Variants in CYB5R4 observed in about 807,000 individuals in gnomAD.
The protein encoded by CYB5R4 is cytochrome b5 reductase 4.
A neutral mutation model predicts 70.2 loss-of-function variants in CYB5R4; 55 were observed. The ratio of observed to expected loss-of-function variants is 0.78; its 90% confidence interval spans 0.63 to 0.98. CYB5R4 has a LOEUF of 0.98. Ranked by LOEUF, CYB5R4 falls within the 50% of genes least tolerant of loss-of-function variation. The pLI is 0.00. For missense variants in CYB5R4, 562 were observed against 612.6 expected (o/e 0.92, Z 0.87); for synonymous variants, 197 against 199.5 (o/e 0.99, Z 0.11).
chr6:83,946,132 T>G (rs577487076), intron 14 of CYB5R4, among the ~76,000 whole-genome samples: 5 of 152,302 alleles, frequency 3.3e-5, no homozygotes, highest in African/African-American at 9.6e-5. Context: ...AAAGAAAATT[T>G]CAGGCCAATA....
At chr6:83,958,989 A>C (rs1407249726) in intron 15 of CYB5R4, among the ~76,000 whole-genome samples, 2 of 152,212 alleles carry the variant, frequency 1.3e-5, no homozygotes, top group East Asian at 3.8e-4. Context: ...GAATGAAGAT[A>C]GAATCGTAGG....
At position 83,940,186 on chromosome 6, in the gene CYB5R4, G is replaced by C. The variant is rs770132881; in HGVS notation, c.1239G>C (p.Leu413Phe). Residue 413 changes from leucine (L) to phenylalanine (F), a missense_variant, in exon 13 of 16, where the codon TTG (leucine) becomes TTC (phenylalanine). By Grantham distance (22) the Leu-to-Phe change is conservative (BLOSUM62 0). Transcript: ENST00000369681. ...TPMVKILNYALTDIPSLRKVK... is the reference protein window; with the variant it reads ...TPMVKILNYAFTDIPSLRKVK... ...TGGTTAAAATACTGAATTATGCTTT[G>C]ACTGATATACCCAGTCTCAGGTATG... The C allele has an allele frequency of 3.1e-6, 5 of 1,608,544 alleles. No individual in the cohort carries two copies. The highest frequency in any genetic ancestry group is 3.4e-6 in the Non-Finnish European group (4 of 1,177,462).
At chr6:83,938,182 T>G (rs560901430) in intron 12 of CYB5R4, among the ~76,000 whole-genome samples, 2 of 152,300 alleles carry the variant, frequency 1.3e-5, no homozygotes, top group South Asian at 4.1e-4. Flanking sequence ...TACCTACAAA[T>G]CTAATGAAGG....
At chr6:83,943,677 T>C (rs2099470114) in intron 14 of CYB5R4, among the ~76,000 whole-genome samples, 1 of 151,974 alleles carries the variant, frequency 6.6e-6, no homozygotes, top group East Asian at 1.9e-4. Context: ...TGAAGGAGCA[T>C]GTTCTAACCC....
intron 3 of CYB5R4, among the ~76,000 whole-genome samples, chr6:83,895,646 G>A (rs1200216091): frequency 6.6e-6 from 1 of 152,102 alleles, no homozygotes; most frequent in Admixed American, 6.5e-5. Flanking sequence ...GTGTTATGAG[G>A]TCATATAGAC....
chr6:83,891,200 G>C (rs1432226809), intron 2 of CYB5R4, among the ~76,000 whole-genome samples: 1 of 152,008 alleles, frequency 6.6e-6, no homozygotes, highest in African/African-American at 2.4e-5. Flanking sequence ...TCCTGCCTCG[G>C]CCTCCCAAGC....
chr6:83,947,837 A>C (rs548545980), intron 14 of CYB5R4, among the ~76,000 whole-genome samples: 1 of 152,158 alleles, frequency 6.6e-6, no homozygotes, highest in Admixed American at 6.5e-5. Flanking sequence ...ATCTCACATC[A>C]TTAGGATGGC....
intron 3 of CYB5R4, among the ~76,000 whole-genome samples, chr6:83,896,085 T>A (rs2099461851): frequency 6.6e-6 from 1 of 152,170 alleles, no homozygotes; most frequent in Non-Finnish European, 1.5e-5. Context: ...TTTCTTGTAA[T>A]AGGGGCTTGA....
Position 83,966,683 on chromosome 6 carries a change from C to T in CYB5R4, c.*6805C>T, listed in dbSNP as rs566290972. The T allele has an allele frequency of 4.6e-5, 7 of 152,254 alleles. No homozygotes were observed. In the East Asian group the frequency reaches 1.2e-3, roughly 25 times the overall value. The allele number at this position is 152,254 out of a possible 1,614,324, so 9.4% of individuals were successfully genotyped here. On this transcript the variant is annotated 3_prime_UTR_variant, in exon 16 of 16. Transcript: ENST00000369681. ...TCCAGCCTGGGCAACAAGAGTGAAA[C>T]TCCATCTCAAAAAATAAAACAAATA... is the stretch of plus-strand genomic sequence containing the variant.
At chr6:83,884,635 C>T (rs937378532) in intron 2 of CYB5R4, among the ~76,000 whole-genome samples, 8 of 152,084 alleles carry the variant, frequency 5.3e-5, no homozygotes, top group African/African-American at 1.9e-4. Flanking sequence ...AATTTCATTA[C>T]TGAACACAAG....
intron 10 of CYB5R4, among the ~76,000 whole-genome samples, chr6:83,930,638 A>G (rs189252957): frequency 1.1e-4 from 16 of 152,282 alleles, no homozygotes; most frequent in African/African-American, 3.8e-4. Flanking sequence ...AACCCTTCAA[A>G]GCCATCTGTG....
At chr6:83,925,917 C>T (rs1314591237) in intron 10 of CYB5R4, among the ~76,000 whole-genome samples, 2 of 152,170 alleles carry the variant, frequency 1.3e-5, no homozygotes, top group South Asian at 2.1e-4. Flanking sequence ...CATTTCTACT[C>T]ATATTTTTAA....
At chr6:83,927,805 A>AGCCT (rs1387328831) in intron 10 of CYB5R4, among the ~76,000 whole-genome samples, 1 of 152,090 alleles carries the variant, frequency 6.6e-6, no homozygotes, top group Non-Finnish European at 1.5e-5. Flanking sequence ...CTCAACTTTC[A>AGCCT]GCCTGTCCTG....
intron 10 of CYB5R4, among the ~76,000 whole-genome samples, chr6:83,932,166 T>C (rs927851958): frequency 1.3e-5 from 2 of 152,188 alleles, no homozygotes; most frequent in African/African-American, 4.8e-5. Context: ...AATTGAAAGA[T>C]GAAAACTTTC....
intron 5 of CYB5R4, 116 bp from the exon 6 acceptor site, chr6:83,917,889 A>G (rs150785197): frequency 3.3e-5 from 26 of 791,054 alleles, no homozygotes; most frequent in Non-Finnish European, 5.2e-5. Context: ...TGAGTAGTAC[A>G]TTTGTGATTT....
intron 3 of CYB5R4, among the ~76,000 whole-genome samples, chr6:83,904,463 T>C (rs975175271): frequency 1.3e-5 from 2 of 152,200 alleles, no homozygotes; most frequent in African/African-American, 4.8e-5. Flanking sequence ...ATGTCTGTCA[T>C]GGACAACGTT....
At position 83,958,302 on chromosome 6, in the gene CYB5R4, G is replaced by A. The variant is rs1378716470; in HGVS notation, c.1512-1522G>A. On this transcript the variant is annotated intron_variant, in intron 15 of 15. Transcript: ENST00000369681. ...TATCTAGTGGTAGAAACAAATGCAC[G>A]TGCTGATAACCAAAGTATGACTCAG... Among the ~76,000 whole-genome samples, 23 of 152,236 alleles carry A rather than the reference G, an allele frequency of 1.5e-4. No homozygotes were observed. The East Asian group carries it at 3.5e-3, about 23-fold the overall frequency.
In CYB5R4 at chr6:83,963,856, G is replaced by A. The variant is rs1287519963; in HGVS notation, c.*3978G>A. ...GTGTTGTGGGAGGAACCCAGTGGGAGATAATTTGAATCATGGGGGCAGTTT... is the reference window on the plus strand; with the variant it reads ...GTGTTGTGGGAGGAACCCAGTGGGAAATAATTTGAATCATGGGGGCAGTTT... On this transcript the variant is annotated 3_prime_UTR_variant, in exon 16 of 16. Coordinates refer to ENST00000369681, the MANE Select transcript of CYB5R4 (RefSeq NM_016230.4). The A allele has an allele frequency of 6.5e-6, 1 of 153,954 alleles. No homozygotes were observed. The highest frequency in any genetic ancestry group is 1.4e-5 in the Non-Finnish European group (1 of 69,302). 9.5% of individuals were successfully genotyped at this position (153,954 alleles called of 1,614,324 possible).
At chr6:83,874,189 C>T (rs1328974903) in intron 2 of CYB5R4, among the ~76,000 whole-genome samples, 4 of 113,006 alleles carry the variant, frequency 3.5e-5, no homozygotes, top group Non-Finnish European at 5.5e-5. Flanking sequence ...CCCTCCCTTC[C>T]CTTCCCTCTT....
Sources: gnomAD v4.1 joint callset for allele counts (sites outside exome capture counted in the v4.1 genomes callset) on GRCh38, gnomAD v4.1.1 for gene constraint, MANE v1.5 for transcripts, NCBI Gene and HGNC (gene_info 2026-07-23, HGNC 2026-07-21) for gene names.